SEMA3A: variants seen among roughly 807,000 people sequenced by gnomAD.
SEMA3A encodes semaphorin-3A.
In SEMA3A, 29 loss-of-function variants were observed where a neutral mutation model predicts 97.9. The ratio of observed to expected loss-of-function variants is 0.30; its 90% CI spans 0.22 to 0.40. The LOEUF is 0.40. Ranked by LOEUF, SEMA3A falls within the 10% of genes least tolerant of loss-of-function variation. SEMA3A has a pLI of 1.00. For missense variants in SEMA3A, 763 were observed against 951.3 expected (o/e 0.80, Z 2.60); for synonymous variants, 321 against 323.7 (o/e 0.99, Z 0.09).
At chr7:84,352,815 G>T (rs760846363) in intron 2 of SEMA3A, among the ~76,000 whole-genome samples, 1 of 151,780 alleles carries the variant, frequency 6.6e-6, no homozygotes, top group Non-Finnish European at 1.5e-5. Context: ...GAGTTAGATG[G>T]CCACATCAGT....
intron 6 of SEMA3A, among the ~76,000 whole-genome samples, chr7:84,040,223 C>CT (rs59145273): frequency 0.25 from 34,902 of 137,990 alleles, 4,705 homozygotes; most frequent in East Asian, 0.6. Context: ...TAACAAGTGG[C>CT]TTTTTTTTTT....
chr7:84,334,126 CTAGTT>C (rs1801975864), intron 2 of SEMA3A, among the ~76,000 whole-genome samples: 1 of 152,056 alleles, frequency 6.6e-6, no homozygotes. Flanking sequence ...TTGATCACTG[CTAGTT>C]TAAGTTCTGT....
At chr7:84,315,162 A>C (rs1244857031) in intron 2 of SEMA3A, among the ~76,000 whole-genome samples, 1 of 152,170 alleles carries the variant, frequency 6.6e-6, no homozygotes, top group Non-Finnish European at 1.5e-5. Context: ...GTAGAAATTT[A>C]AAGATTATAA....
At chr7:84,299,316 ATATATATC>A (rs1800946399) in intron 3 of SEMA3A, among the ~76,000 whole-genome samples, 1 of 137,704 alleles carries the variant, frequency 7.3e-6, no homozygotes, top group Non-Finnish European at 1.6e-5. Context: ...CTCCATATAT[ATATATATC>A]TCCATATATA....
intron 4 of SEMA3A, among the ~76,000 whole-genome samples, chr7:84,099,831 A>G (rs769390466): frequency 6.6e-6 from 1 of 152,160 alleles, no homozygotes; most frequent in African/African-American, 2.4e-5. Flanking sequence ...AACTTTTGCT[A>G]TAGCCTCAAA....
intron 16 of SEMA3A, 83 bp downstream of exon 16, chr7:83,963,122 T>G (rs1788538326): frequency 6.8e-7 from 1 of 1,481,104 alleles, no homozygotes; most frequent in South Asian, 1.2e-5. Flanking sequence ...CAGTGCTTTT[T>G]CTTTCCTCAA....
At chr7:84,429,957 C>A (rs575294983) in intron 1 of SEMA3A, among the ~76,000 whole-genome samples, 1 of 151,894 alleles carries the variant, frequency 6.6e-6, no homozygotes, top group African/African-American at 2.4e-5. Context: ...GAGCTTTACG[C>A]TGTTGCAAAA....
In SEMA3A at chr7:84,035,515, T is replaced by C. The variant is rs1197393805; in HGVS notation, c.667+10809A>G. 2.0e-5 allele frequency among the ~76,000 whole-genome samples: 3 copies of C among 152,092 alleles called. No individual in the cohort carries two copies. The East Asian group carries it at 5.8e-4, about 29-fold the overall frequency. ...AGAACATGTATTTTTTAAGTTCTTA[T>C]TTATTCATTCCTTTAAATAATCAAA... On this transcript the variant is annotated intron_variant, in intron 6 of 16. Coordinates refer to ENST00000265362, the MANE Select transcript of SEMA3A (RefSeq NM_006080.3).
At chr7:84,423,157 T>A (rs1804646183) in intron 1 of SEMA3A, among the ~76,000 whole-genome samples, 1 of 152,062 alleles carries the variant, frequency 6.6e-6, no homozygotes, top group Non-Finnish European at 1.5e-5. Context: ...AATCAAAACA[T>A]TTTCTATCAA....
chr7:84,216,092 C>T (rs1407616046), intron 3 of SEMA3A, among the ~76,000 whole-genome samples: 1 of 152,084 alleles, frequency 6.6e-6, no homozygotes. Flanking sequence ...TTTTTATTGA[C>T]AGAGCCTCGC....
chr7:84,235,386 T>C (rs1309612655), intron 3 of SEMA3A, among the ~76,000 whole-genome samples: 1 of 152,058 alleles, frequency 6.6e-6, no homozygotes, highest in Non-Finnish European at 1.5e-5. Flanking sequence ...TAATTGTATG[T>C]ATTTTGTAGT....
At chr7:83,963,870 T>G (rs1375779132) in intron 15 of SEMA3A, among the ~76,000 whole-genome samples, 1 of 152,176 alleles carries the variant, frequency 6.6e-6, no homozygotes, top group Non-Finnish European at 1.5e-5. Context: ...GAAGGTAGAG[T>G]GCAGGAAGTT....
chr7:84,073,476 G>T (rs1793820979), intron 4 of SEMA3A, among the ~76,000 whole-genome samples: 1 of 152,148 alleles, frequency 6.6e-6, no homozygotes, highest in African/African-American at 2.4e-5. Context: ...TATATTAAAA[G>T]ATGAAGCTGG....
At chr7:84,280,099 T>C (rs1316801386) in intron 3 of SEMA3A, among the ~76,000 whole-genome samples, 1 of 152,090 alleles carries the variant, frequency 6.6e-6, no homozygotes, top group Non-Finnish European at 1.5e-5. Context: ...AGGTTTCATA[T>C]GTTGCCTTGG....
intron 4 of SEMA3A, among the ~76,000 whole-genome samples, chr7:84,080,055 G>C (rs1794096595): frequency 6.9e-6 from 1 of 144,460 alleles, no homozygotes; most frequent in Non-Finnish European, 1.5e-5. Context: ...CCTTTGTAGG[G>C]ACATGGATGA....
chr7:84,019,516 CCTTTTTAATGACGTGT>C (rs1374590402), intron 6 of SEMA3A, among the ~76,000 whole-genome samples: 12 of 136,336 alleles, frequency 8.8e-5, no homozygotes, highest in Admixed American at 8.6e-4. Flanking sequence ...TTATTCTTTC[CCTTTTTAATGACGTGT>C]CTTTAAATAC....
At chr7:84,424,429 T>A in intron 1 of SEMA3A, among the ~76,000 whole-genome samples, 1 of 128,586 alleles carries the variant, frequency 7.8e-6, no homozygotes, top group Non-Finnish European at 1.6e-5. Context: ...TTGTTATAAA[T>A]ATAAATACAT....
chr7:84,190,431 A>T (rs551970147), intron 1 of SEMA3A, among the ~76,000 whole-genome samples: 1 of 151,822 alleles, frequency 6.6e-6, no homozygotes, highest in Non-Finnish European at 1.5e-5. Context: ...GGTCATCCAA[A>T]GTCCTGGTGA....
chr7:84,249,013 A>C (rs1250554128), intron 3 of SEMA3A, among the ~76,000 whole-genome samples: 3 of 152,188 alleles, frequency 2.0e-5, no homozygotes, highest in Admixed American at 6.5e-5. Flanking sequence ...GGGTGTATCT[A>C]GGCTTGGCAA....
Sources: allele counts gnomAD v4.1 joint callset (sites outside exome capture counted in the v4.1 genomes callset), GRCh38; gene constraint gnomAD v4.1.1; transcripts MANE v1.5; gene names NCBI Gene and HGNC (gene_info 2026-07-23, HGNC 2026-07-21).